MRC1: variants seen among roughly 807,000 people sequenced by gnomAD.
MRC1 encodes the protein macrophage mannose receptor 1.
In MRC1, 62 loss-of-function variants were observed where a neutral mutation model predicts 102.9. The ratio of observed to expected loss-of-function variants is 0.60; its 90% CI spans 0.49 to 0.74. MRC1 has a LOEUF of 0.74. Among genes scored for constraint, MRC1 ranks in the 30% least tolerant of loss-of-function variants. MRC1 has a pLI of 0.00. For synonymous variants in MRC1, 457 were observed against 298.4 expected (o/e 1.53, Z -5.48); for missense variants, 1,237 against 862.8 (o/e 1.43, Z -5.43).
At chr10:17,881,029 C>T (rs1044941695) in intron 20 of MRC1, 38 bp from the exon 21 acceptor site, 2 of 779,596 alleles carry the variant, frequency 2.6e-6, no homozygotes, top group African/African-American at 3.4e-5. Context: ...TTAACCCCTG[C>T]AGTTTTTCTT....
intron 6 of MRC1, among the ~76,000 whole-genome samples, chr10:17,846,376 G>A (rs1010615813): frequency 1.8e-4 from 27 of 152,244 alleles, no homozygotes; most frequent in African/African-American, 6.0e-4. Context: ...GAGGGACAGC[G>A]AATGCTTTAA....
In MRC1 at chr10:17,902,104, C is replaced by G. The variant is rs911098412; in HGVS notation, c.3781C>G (p.Leu1261Val). The change falls in exon 26 of 30, where the codon CTG becomes GTG. Residue 1261 changes from leucine (L) to valine (V), a missense_variant. Physicochemically the swap from Leu to Val is conservative, Grantham distance 32. Transcript: ENST00000569591. The part of the protein sequence containing the change: ...SYTRNWGQAS[L>V]ECLRMGSSLV... ...TACAAGAAACTGGGGCCAAGCTTCTCTGGAATGTCTTCGAATGGGTGAGTG... is the reference window on the plus strand; with the variant it reads ...TACAAGAAACTGGGGCCAAGCTTCTGTGGAATGTCTTCGAATGGGTGAGTG... 44 of 780,552 alleles carry G rather than the reference C, an allele frequency of 5.6e-5. No individual in the cohort carries two copies. Among genetic ancestry groups the G allele is most frequent in the Non-Finnish European group, 9.8e-5 (41 of 417,904 alleles). 48.4% of individuals were successfully genotyped at this position (780,552 alleles called of 1,614,324 possible).
At chr10:17,834,864 A>C (rs917130995) in intron 4 of MRC1, among the ~76,000 whole-genome samples, 1 of 152,116 alleles carries the variant, frequency 6.6e-6, no homozygotes, top group Non-Finnish European at 1.5e-5. Context: ...GTGGGAGCAA[A>C]AGCATCCCCG....
intron 23 of MRC1, among the ~76,000 whole-genome samples, chr10:17,896,172 G>A (rs1277297392): frequency 6.6e-6 from 1 of 152,092 alleles, no homozygotes; most frequent in African/African-American, 2.4e-5. Context: ...CTTAAAGGAT[G>A]GGTTTGTGTT....
At chr10:17,890,044 A>G (rs923256006) in intron 22 of MRC1, among the ~76,000 whole-genome samples, 54 of 152,278 alleles carry the variant, frequency 3.5e-4, no homozygotes, top group African/African-American at 1.2e-3. Flanking sequence ...TTTGTCTGAG[A>G]AAGTCTTTGT....
intron 7 of MRC1, among the ~76,000 whole-genome samples, chr10:17,850,923 C>T (rs1305353733): frequency 6.6e-6 from 1 of 152,276 alleles, no homozygotes; most frequent in East Asian, 1.9e-4. Context: ...TCTTAGGCCA[C>T]GAGAATAGCC....
chr10:17,880,196 A>T (rs1393469361), intron 19 of MRC1, among the ~76,000 whole-genome samples: 1 of 152,310 alleles, frequency 6.6e-6, no homozygotes, highest in East Asian at 1.9e-4. Flanking sequence ...ATGAAATCAT[A>T]CATCTAAAAT....
intron 1 of MRC1, among the ~76,000 whole-genome samples, chr10:17,821,971 A>T (rs1838402676): frequency 6.6e-6 from 1 of 152,182 alleles, no homozygotes; most frequent in Admixed American, 6.5e-5. Flanking sequence ...GCACTCAGTT[A>T]CTTTCATTTG....
chr10:17,842,290 A>G (rs910485230), intron 5 of MRC1, among the ~76,000 whole-genome samples: 70 of 152,310 alleles, frequency 4.6e-4, no homozygotes, highest in Middle Eastern at 3.4e-3. Context: ...ATATTGGTTT[A>G]TTGTATTAAA....
In MRC1 at chr10:17,910,641, T is replaced by G. The variant is rs1453094164; in HGVS notation, c.*176T>G. 5 of 672,140 alleles carry G rather than the reference T, an allele frequency of 7.4e-6. No individual in the cohort carries two copies. The highest frequency in any genetic ancestry group is 1.8e-5 in the African/African-American group (1 of 55,528). The allele number at this position is 672,140 out of a possible 1,614,324, so 41.6% of individuals were successfully genotyped here. On this transcript the variant is annotated 3_prime_UTR_variant, in exon 30 of 30. Transcript: ENST00000569591. ...TTGTTTTCTAGCCTGGCAAGATATT[T>G]TCATAAAAGAGGGATAACAATGCTG...
At chr10:17,867,895 T>G (rs2130671884) in intron 12 of MRC1, among the ~76,000 whole-genome samples, 1 of 152,344 alleles carries the variant, frequency 6.6e-6, no homozygotes, top group Admixed American at 6.5e-5. Flanking sequence ...GTAACCCCGA[T>G]GATTATAATG....
chr10:17,862,787 C>T (rs1258932901), intron 10 of MRC1: 1 of 152,182 alleles, frequency 6.6e-6, no homozygotes, highest in Non-Finnish European at 1.5e-5. Context: ...CTCTCCGTTT[C>T]TGGAAACTTC....
At chr10:17,821,655 A>C (rs535516095) in intron 1 of MRC1, among the ~76,000 whole-genome samples, 53 of 152,202 alleles carry the variant, frequency 3.5e-4, no homozygotes, top group Non-Finnish European at 5.0e-4. Flanking sequence ...TATAAGCTTT[A>C]AGCTTATGGG....
At chr10:17,874,715 T>C (rs1398431138) in intron 16 of MRC1, among the ~76,000 whole-genome samples, 3 of 151,852 alleles carry the variant, frequency 2.0e-5, no homozygotes, top group Non-Finnish European at 4.4e-5. Flanking sequence ...TTTCTTATAC[T>C]GGGGTGAAAG....
chr10:17,836,359 C>G (rs1838661878), intron 4 of MRC1, among the ~76,000 whole-genome samples: 1 of 152,068 alleles, frequency 6.6e-6, no homozygotes, highest in African/African-American at 2.4e-5. Context: ...TGGGACCCTT[C>G]TAATAGTGGA....
chr10:17,851,679 T>G (rs797030998), intron 7 of MRC1, among the ~76,000 whole-genome samples: 140,740 of 152,270 alleles, frequency 0.92, 65,134 homozygotes, highest in East Asian at 1. Flanking sequence ...ATCTTCAATT[T>G]AAATCTTTGA....
rs996417639 is a variant in MRC1, at chr10:17,910,755, A to T, written c.*290A>T. 2 of 423,672 alleles carry T rather than the reference A, an allele frequency of 4.7e-6. No homozygotes were observed. Among genetic ancestry groups the T allele is most frequent in the South Asian group, 4.9e-5 (2 of 40,520 alleles). 26.2% of individuals were successfully genotyped at this position (423,672 alleles called of 1,614,324 possible). ...GTGATGGGTAGCTGATGTCAGCTTC[A>T]TGTGGATTTTAAGCACTCTAGAAAC... On this transcript the variant is annotated 3_prime_UTR_variant, in exon 30 of 30. Transcript: ENST00000569591.
chr10:17,822,552 T>G (rs1395931556), intron 1 of MRC1, among the ~76,000 whole-genome samples: 1 of 152,172 alleles, frequency 6.6e-6, no homozygotes, highest in Non-Finnish European at 1.5e-5. Flanking sequence ...GCCCAGAAGT[T>G]GGAAGCTACA....
intron 14 of MRC1, among the ~76,000 whole-genome samples, chr10:17,871,474 G>A (rs1045203350): frequency 6.6e-4 from 100 of 152,274 alleles, no homozygotes; most frequent in African/African-American, 2.3e-3. Flanking sequence ...CAGGGCCTCC[G>A]TTTGTTTCTA....
Sources: allele counts gnomAD v4.1 joint callset (sites outside exome capture counted in the v4.1 genomes callset), GRCh38; gene constraint gnomAD v4.1.1; transcripts MANE v1.5; gene names NCBI Gene and HGNC (gene_info 2026-07-23, HGNC 2026-07-21).